CHEK1: variants seen among roughly 807,000 people sequenced by gnomAD.
CHEK1 encodes serine/threonine-protein kinase Chk1.
In CHEK1, 32 loss-of-function variants were observed where a neutral mutation model predicts 60.2. The ratio of observed to expected loss-of-function variants is 0.53; its 90% CI spans 0.40 to 0.71. The LOEUF is 0.71. Ranked by LOEUF, CHEK1 falls within the 30% of genes least tolerant of loss-of-function variation. The pLI, the probability that CHEK1 is intolerant of heterozygous loss-of-function variation, is 0.00. For missense variants in CHEK1, 399 were observed against 564.6 expected (o/e 0.71, Z 2.97); for synonymous variants, 179 against 187.2 (o/e 0.96, Z 0.36).
Position 125,625,840 on chromosome 11 carries a change from T to C in CHEK1, c.-193T>C. The stretch of plus-strand genomic sequence containing the variant: ...GCAGCCCTGGGCGGGAGCGGCAACA[T>C]CTCCACGTCACCCTTTTGGAGCCGC... On this transcript the variant is annotated 5_prime_UTR_variant, in exon 1 of 13. Transcript: ENST00000438015. 2.8e-6 allele frequency: 2 copies of C among 702,582 alleles called. No individual in the cohort carries two copies. Among genetic ancestry groups the C allele is most frequent in the East Asian group, 2.7e-5 (1 of 37,286 alleles). The allele number at this position is 702,582 out of a possible 1,614,324, so 43.5% of individuals were successfully genotyped here.
At chr11:125,640,260 G>C in intron 8 of CHEK1, among the ~76,000 whole-genome samples, 1 of 152,184 alleles carries the variant, frequency 6.6e-6, no homozygotes, top group East Asian at 1.9e-4. Flanking sequence ...CATGGGTTTT[G>C]GCCGGGCGCG....
downstream of CHEK1, chr11:125,676,589 A>C: frequency 7.7e-7 from 1 of 1,304,708 alleles, no homozygotes. Context: ...CTACACATTT[A>C]TTTCTTAGTT....
chr11:125,629,101 T>G (rs1940752442), intron 3 of CHEK1, 131 bp from the exon 4 acceptor site: 1 of 807,200 alleles, frequency 1.2e-6, no homozygotes, highest in Non-Finnish European at 2.0e-6. Context: ...AGTGGACTCC[T>G]GAATCTTTTG....
At chr11:125,673,669 A>G (rs186258371) in intron 13 of CHEK1, among the ~76,000 whole-genome samples, 57 of 152,282 alleles carry the variant, frequency 3.7e-4, no homozygotes, top group Middle Eastern at 3.4e-3. Context: ...AAAACTTACT[A>G]TGCCCAAAAT....
At chr11:125,666,198 C>T (rs1942096625) in intron 13 of CHEK1, among the ~76,000 whole-genome samples, 1 of 150,216 alleles carries the variant, frequency 6.7e-6, no homozygotes, top group Admixed American at 6.6e-5. Flanking sequence ...TGTCATGTTT[C>T]CATTTTCATT....
Position 125,625,952 on chromosome 11 carries a change from A to C in CHEK1, c.-81A>C, listed in dbSNP as rs2135965220. 1.4e-6 allele frequency: 1 copy of C among 702,568 alleles called. No individual in the cohort carries two copies. Among genetic ancestry groups the C allele is most frequent in the East Asian group, 2.7e-5 (1 of 37,278 alleles). 43.5% of individuals were successfully genotyped at this position (702,568 alleles called of 1,614,324 possible). A position where few individuals can be genotyped will look rare whatever the true frequency, so the allele number is the denominator to read the frequency against. ...GAGTTTGCGGCAGCGTGACGCCCTCAAGTTTTGGCGGGAAAAGCGCTGCAT... is the reference window on the plus strand; with the variant it reads ...GAGTTTGCGGCAGCGTGACGCCCTCCAGTTTTGGCGGGAAAAGCGCTGCAT... On this transcript the variant is annotated 5_prime_UTR_variant, in exon 1 of 13. Coordinates refer to ENST00000438015, the MANE Select transcript of CHEK1 (RefSeq NM_001114122.3).
chr11:125,654,121 G>C (rs1175121668), intron 12 of CHEK1, among the ~76,000 whole-genome samples: 2 of 151,960 alleles, frequency 1.3e-5, no homozygotes, highest in Non-Finnish European at 2.9e-5. Flanking sequence ...TCGAGGTCAG[G>C]AGTTTGAGAC....
chr11:125,661,797 G>A (rs1942022601), downstream of CHEK1, among the ~76,000 whole-genome samples: 1 of 151,650 alleles, frequency 6.6e-6, no homozygotes, highest in Non-Finnish European at 1.5e-5. Context: ...ATATACAATT[G>A]TCTATTTTGA....
intron 5 of CHEK1, among the ~76,000 whole-genome samples, chr11:125,630,174 A>G (rs1940809531): frequency 6.6e-6 from 1 of 152,204 alleles, no homozygotes; most frequent in African/African-American, 2.4e-5. Flanking sequence ...AATGTCATCA[A>G]ATTGAGAAGG....
downstream of CHEK1, chr11:125,680,588 G>A (rs746966859): frequency 8.4e-6 from 6 of 710,544 alleles, no homozygotes; most frequent in Admixed American, 2.4e-5. Flanking sequence ...GGAGCTCTCC[G>A]AGTTGGACTT....
chr11:125,675,414 G>A (rs1007980777), intron 13 of CHEK1, among the ~76,000 whole-genome samples: 1 of 152,116 alleles, frequency 6.6e-6, no homozygotes, highest in South Asian at 2.1e-4. Flanking sequence ...TCTTTCTGTA[G>A]TTCATGGTAT....
chr11:125,626,807 A>C lies in CHEK1; in HGVS notation c.39A>C (p.Gln13His). 2 of 1,614,114 alleles carry C rather than the reference A, an allele frequency of 1.2e-6. No homozygotes were observed. The highest frequency in any genetic ancestry group is 4.5e-5 in the East Asian group (2 of 44,884). The change falls in exon 2 of 13, where the codon CAA becomes CAC. Residue 13 changes from glutamine (Q) to histidine (H), a missense_variant. Physicochemically the swap from Gln to His is conservative, Grantham distance 24 (BLOSUM62 0). Coordinates refer to ENST00000438015, the MANE Select transcript of CHEK1 (RefSeq NM_001114122.3). ...VPFVEDWDLV[Q>H]TLGEGAYGEV... ...TTGTGGAAGACTGGGACTTGGTGCA[A>C]ACCCTGGGAGAAGGTGCCTATGGAG...
chr11:125,638,008 G>A (rs1422630821), intron 8 of CHEK1, among the ~76,000 whole-genome samples: 3 of 152,230 alleles, frequency 2.0e-5, no homozygotes, highest in Non-Finnish European at 4.4e-5. Context: ...GTGCACCATA[G>A]GCACTCATTA....
At chr11:125,668,067 T>C (rs962483729) in intron 13 of CHEK1, among the ~76,000 whole-genome samples, 2 of 152,224 alleles carry the variant, frequency 1.3e-5, no homozygotes, top group Non-Finnish European at 2.9e-5. Flanking sequence ...ATAAAGACCT[T>C]CTCACAGACA....
At chr11:125,676,617 C>A, downstream of CHEK1, 1 of 1,111,778 alleles carries the variant, frequency 9.0e-7, no homozygotes, top group Non-Finnish European at 1.3e-6. Context: ...GGGATCTGGG[C>A]CCTGTGTCTG....
downstream of CHEK1, chr11:125,680,850 G>C (rs113374162): frequency 7.6e-7 from 1 of 1,318,860 alleles, no homozygotes; most frequent in Admixed American, 1.9e-5. Context: ...AGCAAACTGC[G>C]AGCAAAAGCT....
Position 125,653,871 on chromosome 11 carries a change from C to A in CHEK1, c.1335+24C>A. ...AGGTATTTTTATGTTTTATTGTATT[C>A]TTTCTATGGAAATATTTCTATATGA... On this transcript the variant is annotated intron_variant, in intron 12 of 12. Transcript: ENST00000438015. This position sits in a 1 kb window ranked among gnomAD's most constrained non-coding sequence, Gnocchi z 4.3. 1 of 1,304,692 alleles carries A rather than the reference C, an allele frequency of 7.7e-7. No homozygotes were observed. Among genetic ancestry groups the A allele is most frequent in the Non-Finnish European group, 1.1e-6 (1 of 930,062 alleles). The allele number at this position is 1,304,692 out of a possible 1,614,324, so 80.8% of individuals were successfully genotyped here.
intron 13 of CHEK1, among the ~76,000 whole-genome samples, chr11:125,666,440 G>A (rs1363712777): frequency 6.6e-6 from 1 of 152,086 alleles, no homozygotes; most frequent in Non-Finnish European, 1.5e-5. Flanking sequence ...GACTTGAAAA[G>A]TGTTCCATAT....
intron 1 of CHEK1, chr11:125,626,375 T>G: frequency 2.4e-6 from 1 of 420,816 alleles, no homozygotes; most frequent in Non-Finnish European, 4.3e-6. Flanking sequence ...AGGCGTTTTC[T>G]GCCCCATACC....
Sources: gnomAD v4.1 joint callset for allele counts (sites outside exome capture counted in the v4.1 genomes callset) on GRCh38, gnomAD v4.1.1 for gene constraint, Gnocchi (gnomAD v3.1) non-coding constraint, MANE v1.5 for transcripts, NCBI Gene and HGNC (gene_info 2026-07-23, HGNC 2026-07-21) for gene names.